LRP1B: variants seen among roughly 807,000 people sequenced by gnomAD.
The protein encoded by LRP1B is LDL receptor related protein 1B, also known as low-density lipoprotein receptor-related protein 1B.
LRP1B carries 217 observed loss-of-function variants against 556.6 expected under a neutral mutation model. The observed-to-expected ratio is 0.39, with a 90% confidence interval of 0.35 to 0.44. LRP1B has a LOEUF of 0.44. Among genes scored for constraint, LRP1B ranks in the 20% least tolerant of loss-of-function variants. The pLI, the probability that LRP1B is intolerant of heterozygous loss-of-function variation, is 1.00. For missense variants in LRP1B, 5,053 were observed against 5,620.8 expected, an observed-to-expected ratio of 0.90 and a Z score of 3.23; for synonymous variants, 2,047 against 1,865.8, an observed-to-expected ratio of 1.10 and a Z score of -2.50.
At chr2:140,343,751 G>T (rs1681514603) in intron 77 of LRP1B, among the ~76,000 whole-genome samples, 1 of 151,664 alleles carries the variant, frequency 6.6e-6, no homozygotes, top group Admixed American at 6.6e-5. Flanking sequence ...AACAGCCAAA[G>T]AAAGAATGCC....
intron 66 of LRP1B, among the ~76,000 whole-genome samples, chr2:140,435,799 T>C (rs1686152270): frequency 6.6e-6 from 1 of 152,176 alleles, no homozygotes; most frequent in African/African-American, 2.4e-5. Context: ...CCACTTAGAC[T>C]ATTTAGTGAC....
intron 7 of LRP1B, among the ~76,000 whole-genome samples, chr2:141,096,627 G>GGAGAGAGA (rs1248853528): frequency 2.0e-5 from 1 of 50,548 alleles, no homozygotes; most frequent in African/African-American, 7.7e-5. Context: ...ACGGGGAGAG[G>GGAGAGAGA]GGGAGAGAGA....
At chr2:142,062,444 A>G (rs1476424250) in intron 1 of LRP1B, among the ~76,000 whole-genome samples, 1 of 151,796 alleles carries the variant, frequency 6.6e-6, no homozygotes, top group Non-Finnish European at 1.5e-5. Context: ...ATCCAATCCC[A>G]TTCATTTCTA....
chr2:141,171,850 A>G (rs537796614), intron 7 of LRP1B, among the ~76,000 whole-genome samples: 1 of 152,198 alleles, frequency 6.6e-6, no homozygotes, highest in East Asian at 1.9e-4. Flanking sequence ...ATCAATGTGG[A>G]AGAAATTCTC....
intron 2 of LRP1B, among the ~76,000 whole-genome samples, chr2:141,782,466 G>A (rs976714173): frequency 7.2e-6 from 1 of 138,968 alleles, no homozygotes; most frequent in Non-Finnish European, 1.6e-5. Flanking sequence ...TGCTTGCAAA[G>A]TTCAATTGTT....
chr2:141,806,779 AGCATTTTATAAGTAAG>A (rs992099827), intron 2 of LRP1B, among the ~76,000 whole-genome samples: 72 of 152,230 alleles, frequency 4.7e-4, no homozygotes, highest in African/African-American at 1.6e-3. Flanking sequence ...TTCCTTCTAA[AGCATTTTATAAGTAAG>A]GCTTTTCTTC....
chr2:140,985,623 G>A (rs1468573065), intron 17 of LRP1B, among the ~76,000 whole-genome samples: 1 of 151,904 alleles, frequency 6.6e-6, no homozygotes, highest in Non-Finnish European at 1.5e-5. Flanking sequence ...CACCCTGACT[G>A]TGTCCACTTG....
intron 1 of LRP1B, among the ~76,000 whole-genome samples, chr2:141,838,049 A>G (rs1223474915): frequency 1.3e-5 from 2 of 152,148 alleles, no homozygotes; most frequent in Non-Finnish European, 2.9e-5. Context: ...CAAAACACAG[A>G]GTAGCTTGTT....
At chr2:141,160,507 CT>C (rs1446725564) in intron 7 of LRP1B, among the ~76,000 whole-genome samples, 3 of 151,952 alleles carry the variant, frequency 2.0e-5, no homozygotes, top group African/African-American at 7.3e-5. Flanking sequence ...TCGAAATTTT[CT>C]TCTAGAGGTG....
intron 86 of LRP1B, among the ~76,000 whole-genome samples, chr2:140,253,135 T>G (rs894198657): frequency 6.6e-6 from 1 of 152,024 alleles, no homozygotes; most frequent in Non-Finnish European, 1.5e-5. Context: ...TAAATTTACT[T>G]GATTCAACTC....
At chr2:141,328,548 A>C (rs921323877) in intron 3 of LRP1B, among the ~76,000 whole-genome samples, 1 of 152,192 alleles carries the variant, frequency 6.6e-6, no homozygotes, top group Admixed American at 6.5e-5. Context: ...GAAGAGTGGC[A>C]GTTTCCAGTT....
chr2:141,773,379 G>A (rs1296202896), intron 2 of LRP1B, among the ~76,000 whole-genome samples: 1 of 152,216 alleles, frequency 6.6e-6, no homozygotes, highest in Non-Finnish European at 1.5e-5. Flanking sequence ...TCAAAAGGTA[G>A]CCAATTGCAA....
At chr2:140,244,739 CTG>C (rs1273671344) in intron 87 of LRP1B, among the ~76,000 whole-genome samples, 3 of 151,064 alleles carry the variant, frequency 2.0e-5, no homozygotes, top group African/African-American at 7.3e-5. Context: ...AAGTAAATCT[CTG>C]TATAAATTGA....
At chr2:141,793,511 T>C (rs915060680) in intron 2 of LRP1B, among the ~76,000 whole-genome samples, 3 of 151,916 alleles carry the variant, frequency 2.0e-5, no homozygotes, top group African/African-American at 4.8e-5. Context: ...AGAAGGGTAA[T>C]AGATTATAAT....
At chr2:140,502,908 A>T in intron 54 of LRP1B, 55 bp downstream of exon 54, 27 of 1,578,050 alleles carry the variant, frequency 1.7e-5, no homozygotes, top group Non-Finnish European at 2.3e-5. Flanking sequence ...GAAAATCACA[A>T]TTTTTCCATT....
intron 2 of LRP1B, among the ~76,000 whole-genome samples, chr2:141,753,054 G>C (rs1204421627): frequency 2.7e-5 from 4 of 149,288 alleles, no homozygotes; most frequent in African/African-American, 9.9e-5. Flanking sequence ...TTCAAGACCA[G>C]CCTAACCAAC....
rs1484011798 is a variant in LRP1B, at chr2:141,593,458, C to CTTAA, written c.206-112926_206-112925insTTAA. On this transcript the variant is annotated intron_variant, in intron 2 of 90. Coordinates refer to ENST00000389484, the MANE Select transcript of LRP1B (RefSeq NM_018557.3). Reference sequence around the variant, plus strand: ...AAGGGGCCGGGCGCGGTGGCTCACGCCTGTAATCCCAGCACTTTGGGAGGC... The same window carrying CTTAA: ...AAGGGGCCGGGCGCGGTGGCTCACGCTTAACTGTAATCCCAGCACTTTGGGAGGC... 0.026 allele frequency among the ~76,000 whole-genome samples: 36 copies of CTTAA among 1,404 alleles called. 18 individuals are homozygous for CTTAA. The Non-Finnish European group carries it at 1, about 39-fold the overall frequency. The allele number at this position is 1,404 out of a possible 152,430, so 0.9% of individuals were successfully genotyped here.
chr2:141,713,266 C>T (rs766972787), intron 2 of LRP1B, among the ~76,000 whole-genome samples: 2 of 151,980 alleles, frequency 1.3e-5, no homozygotes, highest in Non-Finnish European at 2.9e-5. Context: ...AGAGGGAGAT[C>T]TTAATCCAGC....
At chr2:140,440,725 C>T (rs1686387163) in intron 66 of LRP1B, among the ~76,000 whole-genome samples, 1 of 103,242 alleles carries the variant, frequency 9.7e-6, no homozygotes. Context: ...CACCCTCCAT[C>T]CTTGTCCCTC....
Sources: allele counts gnomAD v4.1 joint callset (sites outside exome capture counted in the v4.1 genomes callset), GRCh38; gene constraint gnomAD v4.1.1; transcripts MANE v1.5; gene names NCBI Gene and HGNC (gene_info 2026-07-23, HGNC 2026-07-21).